Variants in BBOF1 observed in about 807,000 individuals in gnomAD.
The protein encoded by BBOF1 is basal body-orientation factor 1.
In BBOF1, 62 loss-of-function variants were observed where a neutral mutation model predicts 68.0. The ratio of observed to expected loss-of-function variants is 0.91; its 90% CI spans 0.74 to 1.13. BBOF1 has a LOEUF of 1.13. Ranked by LOEUF, BBOF1 falls within the 50% of genes most tolerant of loss-of-function variation. BBOF1 has a pLI of 0.00. For missense variants in BBOF1, 534 were observed against 600.1 expected (o/e 0.89, Z 1.15); for synonymous variants, 208 against 198.8 (o/e 1.05, Z -0.39).
chr14:74,019,934 G>A (rs1433463351), intron 1 of BBOF1, among the ~76,000 whole-genome samples: 1 of 152,202 alleles, frequency 6.6e-6, no homozygotes, highest in Admixed American at 6.5e-5. Flanking sequence ...GGGGACCCCG[G>A]TGGTTTCTGG....
Position 74,057,206 on chromosome 14 carries a change from C to T in BBOF1, c.1526C>T (p.Ser509Phe). 4 of 1,614,066 alleles carry T rather than the reference C, an allele frequency of 2.5e-6. No individual in the cohort carries two copies. Among genetic ancestry groups the T allele is most frequent in the Non-Finnish European group, 3.4e-6 (4 of 1,179,946 alleles). Reference protein sequence around the residue: ...ITQQIAISDSSGEVVLPTIPK... With the variant: ...ITQQIAISDSFGEVVLPTIPK... ...CAGCAAATTGCAATATCAGACTCTT[C>T]TGGTGAAGTGGTGCTACCCACTATT... Residue 509 changes from serine (S) to phenylalanine (F), a missense_variant, in exon 11 of 12, where the codon TCT (serine) becomes TTT (phenylalanine). Physicochemically the swap from Ser to Phe is radical, Grantham distance 155. Transcript: ENST00000394009.
At chr14:74,071,916 C>A (rs2139791711) in intron 9 of BBOF1, 1 of 1,614,214 alleles carries the variant, frequency 6.2e-7, no homozygotes, top group Non-Finnish European at 8.5e-7. Context: ...AAATACATCT[C>A]CTTCAGCATC....
At position 74,055,784 on chromosome 14, in the gene BBOF1, C is replaced by T. The variant is rs111971819; in HGVS notation, c.1388+99C>T. On this transcript the variant is annotated intron_variant, in intron 9 of 11. Transcript: ENST00000394009. The stretch of plus-strand genomic sequence containing the variant: ...TTTTTCTTACTTAGAACTAAAGGGA[C>T]GGGAAAGGACCAGAAAATATAAAAA... The T allele has an allele frequency of 1.3e-3, 1,059 of 821,254 alleles. 2 individuals carry two copies. Among genetic ancestry groups the T allele is most frequent in the East Asian group, 1.9e-3 (70 of 37,632 alleles). The allele number at this position is 821,254 out of a possible 1,614,324, so 50.9% of individuals were successfully genotyped here.
At chr14:74,022,459 G>A (rs112053845) in intron 1 of BBOF1, among the ~76,000 whole-genome samples, 2,667 of 152,224 alleles carry the variant, frequency 0.018, 65 homozygotes, top group African/African-American at 0.059. Flanking sequence ...GAGGTGGGTG[G>A]ATGGCTTGAG....
chr14:74,020,092 GAAAAA>G (rs921711099), intron 1 of BBOF1, among the ~76,000 whole-genome samples: 3 of 151,882 alleles, frequency 2.0e-5, no homozygotes, highest in African/African-American at 7.3e-5. Context: ...AGTACCAAAA[GAAAAA>G]ACAAAAATCA....
chr14:74,059,900 G>T (rs1189204405), intron 11 of BBOF1: 1 of 153,332 alleles, frequency 6.5e-6, no homozygotes, highest in Non-Finnish European at 1.5e-5. Flanking sequence ...TGAATTACTA[G>T]GAAACAAAGT....
chr14:74,052,139 T>G (rs1055459207), intron 8 of BBOF1, among the ~76,000 whole-genome samples: 2 of 151,794 alleles, frequency 1.3e-5, no homozygotes, highest in African/African-American at 4.9e-5. Flanking sequence ...GTCCCTACCA[T>G]ATATAAGGCA....
chr14:74,064,610 C>T (rs1327581363), intron 11 of BBOF1, 78 bp from the exon 12 acceptor site: 1 of 1,431,314 alleles, frequency 7.0e-7, no homozygotes, highest in Non-Finnish European at 9.9e-7. Context: ...ATGCTCTTTC[C>T]TCAAAACTTT....
rs1275800397 is a variant in BBOF1 at position 74,049,864 on chromosome 14, A to G, written c.955A>G (p.Ile319Val). 6.2e-7 allele frequency: 1 copy of G among 1,614,184 alleles called. No individual in the cohort carries two copies. The highest frequency in any genetic ancestry group is 1.1e-5 in the South Asian group (1 of 91,090). The change falls in exon 8 of 12, where the codon ATA becomes GTA. Residue 319 changes from isoleucine to valine, a missense_variant. Physicochemically the swap from Ile to Val is conservative, Grantham distance 29. Coordinates refer to ENST00000394009, the MANE Select transcript of BBOF1 (RefSeq NM_025057.3). ...EVLKLQQHAMIENQAGQVEID... is the reference protein window; with the variant it reads ...EVLKLQQHAMVENQAGQVEID... ...TTTAAAACTGCAGCAACACGCAATG[A>G]TAGAGAACCAAGCAGGTCAGGTAGA...
chr14:74,045,897 T>C (rs1193670452), intron 5 of BBOF1, among the ~76,000 whole-genome samples, 163 bp from the exon 6 acceptor site: 1 of 152,232 alleles, frequency 6.6e-6, no homozygotes, highest in Non-Finnish European at 1.5e-5. Flanking sequence ...AAGGTTCCTG[T>C]GTTCACACTG....
At chr14:74,026,215 G>T (rs1293211586) in intron 2 of BBOF1, among the ~76,000 whole-genome samples, 1 of 151,564 alleles carries the variant, frequency 6.6e-6, no homozygotes, top group Admixed American at 6.6e-5. Flanking sequence ...GTCCAAGGCG[G>T]GTGGATTACT....
At chr14:74,072,605 CAGTTGGCTGAAAAAAACA>C (rs1299572723) in intron 9 of BBOF1, 1 of 1,613,202 alleles carries the variant, frequency 6.2e-7, no homozygotes, top group African/African-American at 1.3e-5. Flanking sequence ...AAGAGCTTTA[CAGTTGGCTGAAAAAAACA>C]AACAAACAAA....
At chr14:74,052,784 T>A (rs920743417) in intron 8 of BBOF1, among the ~76,000 whole-genome samples, 3 of 151,650 alleles carry the variant, frequency 2.0e-5, no homozygotes, top group Non-Finnish European at 4.4e-5. Flanking sequence ...ATCATTTGAG[T>A]CCAGTAGTTA....
intron 9 of BBOF1, chr14:74,071,740 GGA>G: frequency 6.9e-7 from 1 of 1,444,570 alleles, no homozygotes; most frequent in Non-Finnish European, 9.6e-7. Flanking sequence ...TCAGTCTTAG[GGA>G]TACTGAATAC....
chr14:74,028,797 C>A (rs978387959), intron 2 of BBOF1, among the ~76,000 whole-genome samples: 2 of 151,998 alleles, frequency 1.3e-5, no homozygotes, highest in Non-Finnish European at 1.5e-5. Flanking sequence ...CAACCTCTGC[C>A]TCCCAGGTTC....
intron 11 of BBOF1, chr14:74,058,468 C>T (rs1381069851): frequency 6.8e-6 from 1 of 147,658 alleles, no homozygotes; most frequent in African/African-American, 2.5e-5. Flanking sequence ...AAAAAAAGGC[C>T]CAGTAGGATC....
rs181563955 is a variant in BBOF1, at chr14:74,024,561, C to T, written c.285+1417C>T. On this transcript the variant is annotated intron_variant, in intron 2 of 11. Transcript: ENST00000394009. ...GCTCACCACAGGATCGACATCCGGG[C>T]TCAGATGATCCTCCTGCCTCAGTCT... Among the ~76,000 whole-genome samples, 4 of 152,210 alleles carry T rather than the reference C, an allele frequency of 2.6e-5. No homozygotes were observed. The East Asian group carries it at 5.8e-4, about 22-fold the overall frequency.
chr14:74,056,517 G>T (rs1278041142), intron 9 of BBOF1, among the ~76,000 whole-genome samples: 1 of 151,662 alleles, frequency 6.6e-6, no homozygotes, highest in Non-Finnish European at 1.5e-5. Context: ...TGTATTTTTA[G>T]TAAAGACAGG....
intron 8 of BBOF1, among the ~76,000 whole-genome samples, chr14:74,051,063 G>A (rs571981588): frequency 6.6e-6 from 1 of 152,178 alleles, no homozygotes; most frequent in South Asian, 2.1e-4. Context: ...GACCAACATG[G>A]TGAAACCCTG....
Sources: allele counts gnomAD v4.1 joint callset (sites outside exome capture counted in the v4.1 genomes callset), GRCh38; gene constraint gnomAD v4.1.1; transcripts MANE v1.5; gene names NCBI Gene and HGNC (gene_info 2026-07-23, HGNC 2026-07-21).